Variants in CHD9 observed in about 807,000 individuals in gnomAD.
CHD9 encodes the protein ATP-dependent chromatin remodeler CHD9.
Under a neutral mutation model 316.1 loss-of-function variants are expected in CHD9, and 77 were observed. The ratio of observed to expected loss-of-function variants is 0.24; its 90% CI spans 0.20 to 0.29. CHD9 has a LOEUF of 0.29. CHD9 is among the 10% of genes least tolerant of loss of function. The probability of loss-of-function intolerance (pLI) is 1.00; values close to 1 mark genes in which losing one functional copy is unlikely to be tolerated. For synonymous variants in CHD9, 1,129 were observed against 1,158.3 expected, an observed-to-expected ratio of 0.97 and a Z score of 0.51; for missense variants, 2,763 against 3,438.1, an observed-to-expected ratio of 0.80 and a Z score of 4.91.
intron 17 of CHD9, among the ~76,000 whole-genome samples, chr16:53,250,898 A>G (rs867177574): frequency 3.3e-5 from 5 of 152,304 alleles, no homozygotes; most frequent in Middle Eastern, 3.4e-3. Context: ...TGAACAACCC[A>G]TTAAATAACT....
At chr16:53,151,093 C>T (rs2041065283) in intron 1 of CHD9, among the ~76,000 whole-genome samples, 2 of 151,982 alleles carry the variant, frequency 1.3e-5, no homozygotes, top group Non-Finnish European at 2.9e-5. Context: ...GGGATGCCCA[C>T]AATGTATATT....
chr16:53,223,009 A>G (rs1335515927), intron 4 of CHD9, among the ~76,000 whole-genome samples: 2 of 152,196 alleles, frequency 1.3e-5, no homozygotes, highest in Non-Finnish European at 2.9e-5. Context: ...AGAGGTTAAC[A>G]ATACAAAGTC....
At chr16:53,104,828 A>G (rs56033582) in intron 1 of CHD9, among the ~76,000 whole-genome samples, 41,386 of 150,140 alleles carry the variant, frequency 0.28, 7,173 homozygotes, top group Non-Finnish European at 0.38. Flanking sequence ...AAAAAAAAAA[A>G]GTTATAATGA....
At chr16:53,315,191 C>T in intron 36 of CHD9, 147 bp downstream of exon 36, 1 of 626,198 alleles carries the variant, frequency 1.6e-6, no homozygotes. Context: ...AATTACCATC[C>T]TTCCCATGAT....
intron 28 of CHD9, among the ~76,000 whole-genome samples, chr16:53,292,366 T>C (rs1270599368): frequency 6.6e-6 from 1 of 152,250 alleles, no homozygotes; most frequent in Non-Finnish European, 1.5e-5. Flanking sequence ...ACTTACTAGG[T>C]GGATAAAACT....
intron 2 of CHD9, among the ~76,000 whole-genome samples, chr16:53,202,723 C>A (rs2045568638): frequency 1.3e-5 from 2 of 151,808 alleles, no homozygotes; most frequent in Non-Finnish European, 2.9e-5. Flanking sequence ...ATAAAGCCAA[C>A]CCTTAAAAAG....
In CHD9 at chr16:53,324,075, A is replaced by G. The variant is rs1301413206; in HGVS notation, c.7874A>G (p.Glu2625Gly). Reference sequence around the variant, plus strand: ...ATTCTCACTGGTCCCGTTGTGAGAGAGGAAGTAAGCAGGCGGGGGAGACGG... The same window carrying G: ...ATTCTCACTGGTCCCGTTGTGAGAGGGGAAGTAAGCAGGCGGGGGAGACGG... ...ERILTGPVVR[E>G]EVSRRGRRPK... Residue 2625 changes from glutamate to glycine, a missense_variant, in exon 39 of 39, where the codon GAG (glutamate) becomes GGG (glycine). Transcript: ENST00000447540. 1 of 1,613,872 alleles carries G rather than the reference A, an allele frequency of 6.2e-7. No homozygotes were observed. The highest frequency in any genetic ancestry group is 2.2e-5 in the East Asian group (1 of 44,880).
intron 1 of CHD9, among the ~76,000 whole-genome samples, chr16:53,096,916 C>T (rs547299462): frequency 7.2e-4 from 109 of 151,938 alleles, no homozygotes; most frequent in Middle Eastern, 3.4e-3. Context: ...TCTTATAAAG[C>T]CATCAGTCCC....
At chr16:53,308,593 C>A in intron 33 of CHD9, 93 bp from the exon 34 acceptor site, 1 of 837,810 alleles carries the variant, frequency 1.2e-6, no homozygotes, top group Non-Finnish European at 1.9e-6. Context: ...ATTTTTACTT[C>A]ATTTTTTTTC....
At chr16:53,147,869 G>T (rs769706905) in intron 1 of CHD9, among the ~76,000 whole-genome samples, 1 of 152,052 alleles carries the variant, frequency 6.6e-6, no homozygotes, top group Non-Finnish European at 1.5e-5. Flanking sequence ...GAGTGATATT[G>T]CTGGGTCATA....
At chr16:53,222,180 G>A (rs925996979) in intron 3 of CHD9, among the ~76,000 whole-genome samples, 38 of 152,058 alleles carry the variant, frequency 2.5e-4, no homozygotes, top group African/African-American at 8.7e-4. Context: ...GGGCTCAAGC[G>A]ATTCTCCTGC....
intron 19 of CHD9, among the ~76,000 whole-genome samples, chr16:53,261,063 A>G (rs991044544): frequency 2.7e-5 from 4 of 149,818 alleles, no homozygotes; most frequent in Non-Finnish European, 1.5e-5. Flanking sequence ...GTTTTTCAGT[A>G]GTTTTATATT....
At chr16:53,143,606 C>G (rs1434262886) in intron 1 of CHD9, among the ~76,000 whole-genome samples, 2 of 152,020 alleles carry the variant, frequency 1.3e-5, no homozygotes, top group East Asian at 3.9e-4. Context: ...CCAGGATGGT[C>G]TCGATCTCCT....
chr16:53,244,710 T>A (rs969432619), intron 13 of CHD9, among the ~76,000 whole-genome samples: 1 of 152,202 alleles, frequency 6.6e-6, no homozygotes, highest in African/African-American at 2.4e-5. Context: ...TATTTAGAAT[T>A]TTTAAAGGCA....
intron 1 of CHD9, among the ~76,000 whole-genome samples, chr16:53,108,615 C>T (rs2037567193): frequency 6.6e-6 from 1 of 151,930 alleles, no homozygotes. Flanking sequence ...TGGCTCACTC[C>T]TGTAATCCCA....
intron 33 of CHD9, 83 bp from the exon 34 acceptor site, chr16:53,308,602 TC>T (rs2056196338): frequency 1.1e-6 from 1 of 900,024 alleles, no homozygotes; most frequent in Admixed American, 2.3e-5. Flanking sequence ...TCATTTTTTT[TC>T]CTCAGTAAAA....
At chr16:53,252,605 A>C (rs979479038) in intron 17 of CHD9, among the ~76,000 whole-genome samples, 3 of 152,180 alleles carry the variant, frequency 2.0e-5, no homozygotes, top group Non-Finnish European at 4.4e-5. Context: ...CAGCAGAGTA[A>C]ACAGACAACC....
chr16:53,190,021 C>T (rs548740132), intron 2 of CHD9, among the ~76,000 whole-genome samples: 2 of 152,144 alleles, frequency 1.3e-5, no homozygotes, highest in African/African-American at 4.8e-5. Flanking sequence ...AAAAATGTCA[C>T]ATTGAACCAT....
At chr16:53,079,839 C>T (rs1454217050) in intron 1 of CHD9, among the ~76,000 whole-genome samples, 1 of 152,188 alleles carries the variant, frequency 6.6e-6, no homozygotes, top group African/African-American at 2.4e-5. Context: ...TCTGTCTAGC[C>T]CCACCATACC....
Sources: allele counts gnomAD v4.1 joint callset (sites outside exome capture counted in the v4.1 genomes callset), GRCh38; gene constraint gnomAD v4.1.1; transcripts MANE v1.5; gene names NCBI Gene and HGNC (gene_info 2026-07-23, HGNC 2026-07-21).